PTPRO: variants seen among roughly 807,000 people sequenced by gnomAD.
The protein encoded by PTPRO is receptor-type tyrosine-protein phosphatase O.
Under a neutral mutation model 145.2 loss-of-function variants are expected in PTPRO, and 62 were observed. The ratio of observed to expected loss-of-function variants is 0.43; its 90% CI spans 0.35 to 0.53. The LOEUF (loss-of-function observed/expected upper bound fraction) is 0.53. Among genes scored for constraint, PTPRO ranks in the 20% least tolerant of loss-of-function variants. The pLI is 0.01. For missense variants in PTPRO, 1,345 were observed against 1,482.7 expected (o/e 0.91, Z 1.53); for synonymous variants, 565 against 514.7 (o/e 1.10, Z -1.32).
At chr12:15,473,050 C>T (rs922838274) in intron 1 of PTPRO, among the ~76,000 whole-genome samples, 3 of 152,310 alleles carry the variant, frequency 2.0e-5, no homozygotes, top group Admixed American at 6.5e-5. Context: ...TGCTCAGACC[C>T]AGTGACAGGG....
chr12:15,513,532 T>C (rs1246097764), intron 7 of PTPRO, among the ~76,000 whole-genome samples: 7 of 152,242 alleles, frequency 4.6e-5, no homozygotes. Flanking sequence ...CAGAGGAAGT[T>C]GTACCAATTC....
At chr12:15,488,878 G>C (rs922325295) in intron 2 of PTPRO, among the ~76,000 whole-genome samples, 2 of 152,130 alleles carry the variant, frequency 1.3e-5, no homozygotes, top group Non-Finnish European at 2.9e-5. Context: ...GGAAGGGGTA[G>C]TTTCTCAGCA....
rs1327121958 is a variant in PTPRO, at chr12:15,350,902, A to G, written c.75+28101A>G. On this transcript the variant is annotated intron_variant, in intron 1 of 26. Coordinates refer to ENST00000281171, the MANE Select transcript of PTPRO (RefSeq NM_030667.3). The stretch of plus-strand genomic sequence containing the variant: ...TGCAAGGCTTGGCATTCTTTTGCTC[A>G]CTATGACAACTTCAGAACTGGATCT... Among the ~76,000 whole-genome samples the G allele has an allele frequency of 3.3e-5, 5 of 152,244 alleles. No homozygotes were observed. The East Asian group carries it at 5.8e-4, about 18-fold the overall frequency.
intron 1 of PTPRO, among the ~76,000 whole-genome samples, chr12:15,326,982 G>A (rs775674401): frequency 2.0e-4 from 31 of 152,206 alleles, no homozygotes; most frequent in Non-Finnish European, 4.0e-4. Flanking sequence ...GTGCTAGTAT[G>A]TGGTGTTAGG....
chr12:15,548,677 T>C (rs1239792327), intron 13 of PTPRO, among the ~76,000 whole-genome samples: 2 of 152,114 alleles, frequency 1.3e-5, no homozygotes, highest in Non-Finnish European at 2.9e-5. Context: ...AAATAAATTA[T>C]GGTATGTCCT....
intron 1 of PTPRO, among the ~76,000 whole-genome samples, chr12:15,430,423 A>C (rs564246071): frequency 2.8e-4 from 43 of 152,204 alleles, no homozygotes; most frequent in South Asian, 8.3e-4. Context: ...TTCCTTCCTT[A>C]AGTCAAGGAA....
intron 2 of PTPRO, among the ~76,000 whole-genome samples, chr12:15,490,347 A>G (rs1591647896): frequency 6.6e-6 from 1 of 152,208 alleles, no homozygotes; most frequent in Non-Finnish European, 1.5e-5. Flanking sequence ...TTTGAGGGCC[A>G]TACAGACTAT....
At chr12:15,533,730 G>A (rs140497852) in intron 12 of PTPRO, among the ~76,000 whole-genome samples, 3 of 152,188 alleles carry the variant, frequency 2.0e-5, no homozygotes, top group African/African-American at 7.2e-5. Context: ...GATATATATA[G>A]AAGTCATAGT....
chr12:15,531,163 G>C (rs981634693), intron 12 of PTPRO, among the ~76,000 whole-genome samples: 1 of 152,020 alleles, frequency 6.6e-6, no homozygotes, highest in Non-Finnish European at 1.5e-5. Flanking sequence ...GAACAATTAA[G>C]AACAAGAAAA....
At chr12:15,360,946 G>A (rs1277820661) in intron 1 of PTPRO, among the ~76,000 whole-genome samples, 6 of 142,764 alleles carry the variant, frequency 4.2e-5, no homozygotes, top group Non-Finnish European at 7.6e-5. Flanking sequence ...ATATACACAC[G>A]TGTATATACA....
At chr12:15,346,510 G>A (rs983993220) in intron 1 of PTPRO, 2 of 152,150 alleles carry the variant, frequency 1.3e-5, no homozygotes, top group Non-Finnish European at 2.9e-5. Flanking sequence ...GATCTTTATG[G>A]AACAGGCTCT....
intron 1 of PTPRO, among the ~76,000 whole-genome samples, chr12:15,431,471 T>A (rs1940436947): frequency 6.6e-6 from 1 of 152,228 alleles, no homozygotes; most frequent in African/African-American, 2.4e-5. Flanking sequence ...TAAGGAGCCC[T>A]ATTCAATTAT....
intron 2 of PTPRO, among the ~76,000 whole-genome samples, chr12:15,496,147 T>G (rs866764653): frequency 3.6e-4 from 48 of 133,446 alleles, no homozygotes; most frequent in Middle Eastern, 3.7e-3. Flanking sequence ...TTTTTGTTTT[T>G]TTTTTTTTTT....
chr12:15,376,841 T>C (rs916872032), intron 1 of PTPRO, among the ~76,000 whole-genome samples: 2 of 152,170 alleles, frequency 1.3e-5, no homozygotes, highest in Non-Finnish European at 2.9e-5. Flanking sequence ...CCCCACACCC[T>C]AATTCTATCA....
chr12:15,461,076 C>T (rs1941290009), intron 1 of PTPRO, among the ~76,000 whole-genome samples: 1 of 152,164 alleles, frequency 6.6e-6, no homozygotes, highest in Non-Finnish European at 1.5e-5. Context: ...AATATGAATA[C>T]AGACTTTAAG....
At chr12:15,451,433 T>A (rs187893453) in intron 1 of PTPRO, among the ~76,000 whole-genome samples, 24 of 152,174 alleles carry the variant, frequency 1.6e-4, no homozygotes, top group Admixed American at 1.2e-3. Context: ...ACTAGACAGG[T>A]CATTAAGACA....
intron 1 of PTPRO, among the ~76,000 whole-genome samples, chr12:15,411,398 G>C (rs1021379617): frequency 6.6e-6 from 1 of 152,230 alleles, no homozygotes; most frequent in East Asian, 1.9e-4. Flanking sequence ...TCTTCAGAAA[G>C]AGCAGTCCCA....
At chr12:15,450,706 A>G (rs895147080) in intron 1 of PTPRO, among the ~76,000 whole-genome samples, 1 of 152,034 alleles carries the variant, frequency 6.6e-6, no homozygotes, top group Non-Finnish European at 1.5e-5. Flanking sequence ...CTGAGAGGTT[A>G]AGGCCATAGT....
At chr12:15,396,990 C>G (rs1053949882) in intron 1 of PTPRO, among the ~76,000 whole-genome samples, 2 of 152,024 alleles carry the variant, frequency 1.3e-5, no homozygotes, top group African/African-American at 4.8e-5. Flanking sequence ...TTTTGACACC[C>G]AGAAGCTTAG....
Sources: allele counts gnomAD v4.1 joint callset (sites outside exome capture counted in the v4.1 genomes callset), GRCh38; gene constraint gnomAD v4.1.1; transcripts MANE v1.5; gene names NCBI Gene and HGNC (gene_info 2026-07-23, HGNC 2026-07-21).